The following SMAD4 variants were observed in gnomAD, a reference collection of about 807,000 sequenced individuals.
The protein encoded by SMAD4 is MAD homolog 4.
In SMAD4, 7 loss-of-function variants were observed where a neutral mutation model predicts 63.2. The ratio of observed to expected loss-of-function variants is 0.11; its 90% CI spans 0.06 to 0.21. The LOEUF (loss-of-function observed/expected upper bound fraction) is 0.21, where lower values mean the gene tolerates loss of function less well. Among genes scored for constraint, SMAD4 ranks in the 10% least tolerant of loss-of-function variants. The pLI is 1.00. For synonymous variants in SMAD4, 215 were observed against 235.4 expected, an observed-to-expected ratio of 0.91 and a Z score of 0.79; for missense variants, 312 against 693.8, an observed-to-expected ratio of 0.45 and a Z score of 6.18.
chr18:51,075,051 A>G (rs930380785), intron 10 of SMAD4, among the ~76,000 whole-genome samples: 1 of 152,212 alleles, frequency 6.6e-6, no homozygotes, highest in Admixed American at 6.5e-5. Flanking sequence ...CTAATAGTCC[A>G]GGAAATACAT....
chr18:51,071,914 G>A (rs1910328143), intron 10 of SMAD4, among the ~76,000 whole-genome samples: 1 of 152,192 alleles, frequency 6.6e-6, no homozygotes, highest in African/African-American at 2.4e-5. Flanking sequence ...TAAGCATAAT[G>A]TTTCAAGCTT....
At chr18:51,057,004 G>A (rs1909863520) in intron 5 of SMAD4, among the ~76,000 whole-genome samples, 1 of 152,132 alleles carries the variant, frequency 6.6e-6, no homozygotes, top group Admixed American at 6.5e-5. Context: ...GCAGAATCTG[G>A]GGGATGAGTA....
intron 10 of SMAD4, among the ~76,000 whole-genome samples, chr18:51,074,395 A>G (rs1910417421): frequency 6.6e-6 from 1 of 152,154 alleles, no homozygotes; most frequent in African/African-American, 2.4e-5. Flanking sequence ...ACACCTCACC[A>G]AAGAAGATAC....
chr18:51,076,540 G>T lies in SMAD4; in HGVS notation c.1309-98G>T, dbSNP rs1219692817. On this transcript the variant is annotated intron_variant, in intron 10 of 11. Coordinates refer to ENST00000342988, the MANE Select transcript of SMAD4 (RefSeq NM_005359.6). ...TTAATTAATTCTTTTCATGTGAGAG[G>T]TATAATGAAACTGAGTTTTAAATAA... The T allele has an allele frequency of 7.1e-6, 7 of 984,288 alleles. No individual in the cohort carries two copies. In the African/African-American group the frequency reaches 8.1e-5, roughly 11 times the overall value. 61.0% of individuals were successfully genotyped at this position (984,288 alleles called of 1,614,324 possible).
At chr18:51,035,122 T>C (rs1909166452) in intron 1 of SMAD4, among the ~76,000 whole-genome samples, 1 of 152,248 alleles carries the variant, frequency 6.6e-6, no homozygotes, top group Non-Finnish European at 1.5e-5. Flanking sequence ...ATTGCCACAT[T>C]TGCTTTGCTT....
intron 10 of SMAD4, among the ~76,000 whole-genome samples, chr18:51,068,528 A>G (rs16952790): frequency 0.047 from 7,118 of 152,288 alleles, 581 homozygotes; most frequent in African/African-American, 0.16. Flanking sequence ...TTTCAACAAT[A>G]GAGCATCAGT....
chr18:51,073,506 T>A (rs1250752697), intron 10 of SMAD4, among the ~76,000 whole-genome samples: 2 of 148,770 alleles, frequency 1.3e-5, no homozygotes, highest in African/African-American at 5.0e-5. Flanking sequence ...ACTATAAAAC[T>A]TCTAGAAGAT....
At chr18:51,053,820 A>T (rs1361424972) in intron 4 of SMAD4, 1 of 152,192 alleles carries the variant, frequency 6.6e-6, no homozygotes, top group Non-Finnish European at 1.5e-5. Context: ...TGACTGCTTT[A>T]AGAAGAGAAC....
rs1158040631 is a variant in SMAD4, at chr18:51,083,533, T to A, written c.*5066T>A. 4.4e-6 allele frequency: 1 copy of A among 228,328 alleles called. No individual in the cohort carries two copies. The highest frequency in any genetic ancestry group is 2.2e-5 in the African/African-American group (1 of 45,040). 14.1% of individuals were successfully genotyped at this position (228,328 alleles called of 1,614,324 possible). A position where few individuals can be genotyped will look rare whatever the true frequency, so the allele number is the denominator to read the frequency against. ...AGACAATCATTTCTCTCTGTTGATG[T>A]GGATACTTTTCACACCGTTTATTTA... On this transcript the variant is annotated 3_prime_UTR_variant, in exon 12 of 12. Coordinates refer to ENST00000342988, the MANE Select transcript of SMAD4 (RefSeq NM_005359.6).
At chr18:51,060,450 A>G (rs538961066) in intron 8 of SMAD4, among the ~76,000 whole-genome samples, 5 of 152,192 alleles carry the variant, frequency 3.3e-5, no homozygotes, top group Non-Finnish European at 7.3e-5. Flanking sequence ...TGAAAATAAA[A>G]TACTGAAAGT....
intron 11 of SMAD4, 43 bp downstream of exon 11, chr18:51,076,819 TA>T: frequency 7.0e-7 from 1 of 1,433,828 alleles, no homozygotes; most frequent in Non-Finnish European, 9.5e-7. Flanking sequence ...TAATAGTTGA[TA>T]TTTTTATCTT....
chr18:51,072,844 T>C (rs546412911), intron 10 of SMAD4, among the ~76,000 whole-genome samples: 18 of 152,356 alleles, frequency 1.2e-4, no homozygotes, highest in Non-Finnish European at 2.2e-4. Flanking sequence ...ATTGCCTTTG[T>C]CAACAATTTA....
At chr18:51,066,946 C>A (rs905939798) in intron 9 of SMAD4, 73 bp from the exon 10 acceptor site, 3 of 1,122,318 alleles carry the variant, frequency 2.7e-6, no homozygotes, top group Non-Finnish European at 4.0e-6. Flanking sequence ...ATTAAGCATG[C>A]TATACAATCT....
At chr18:51,058,527 A>C in intron 7 of SMAD4, 71 bp downstream of exon 7, 2 of 930,786 alleles carry the variant, frequency 2.1e-6, no homozygotes. Flanking sequence ...TCTGTTTTTT[A>C]AAAATGTTTT....
rs181664459 is a variant in SMAD4, at chr18:51,079,654, A to G, written c.*1187A>G. On this transcript the variant is annotated 3_prime_UTR_variant, in exon 12 of 12. Coordinates refer to ENST00000342988, the MANE Select transcript of SMAD4 (RefSeq NM_005359.6). ...CCCTTTGCCATCAATGATCATATCA[A>G]TTGGCAGTGACTTTGTATAGAGAAT... 1.0e-4 allele frequency: 24 copies of G among 233,448 alleles called. No homozygotes were observed. The highest frequency in any genetic ancestry group is 3.5e-4 in the African/African-American group (16 of 45,450). 14.5% of individuals were successfully genotyped at this position (233,448 alleles called of 1,614,324 possible).
intron 10 of SMAD4, among the ~76,000 whole-genome samples, chr18:51,074,131 C>T (rs1056122794): frequency 8.0e-5 from 12 of 150,532 alleles, no homozygotes; most frequent in Admixed American, 2.0e-4. Context: ...CCCAGCACTT[C>T]GGGAGGTCAA....
chr18:51,066,898 T>G, intron 9 of SMAD4, 121 bp from the exon 10 acceptor site: 9 of 750,602 alleles, frequency 1.2e-5, no homozygotes, highest in Non-Finnish European at 2.1e-5. Flanking sequence ...AATAGCTATC[T>G]TTTGGTTTTA....
intron 1 of SMAD4, among the ~76,000 whole-genome samples, chr18:51,035,530 A>G (rs1464998693): frequency 6.6e-6 from 1 of 152,148 alleles, no homozygotes; most frequent in Admixed American, 6.5e-5. Flanking sequence ...TAAATAAATA[A>G]ATAAATATAA....
chr18:51,058,262 A>G lies in SMAD4; in HGVS notation c.787+18A>G, dbSNP rs748015964. On this transcript the variant is annotated intron_variant, in intron 6 of 11. Coordinates refer to ENST00000342988, the MANE Select transcript of SMAD4 (RefSeq NM_005359.6). ...CCATCATAGTATGTACATACTTTAA[A>G]AAATCTTTTAAATAGTTGAGAAAAA... The G allele has an allele frequency of 2.5e-6, 4 of 1,611,032 alleles. No homozygotes were observed. In the African/African-American group the frequency reaches 4.0e-5, roughly 16 times the overall value.
Sources: gnomAD v4.1 joint callset for allele counts (sites outside exome capture counted in the v4.1 genomes callset) on GRCh38, gnomAD v4.1.1 for gene constraint, MANE v1.5 for transcripts, NCBI Gene and HGNC (gene_info 2026-07-23, HGNC 2026-07-21) for gene names.